Variants in TFCP2L1 observed in about 807,000 individuals in gnomAD.
TFCP2L1 encodes transcription factor CP2-like protein 1.
A neutral mutation model predicts 72.2 loss-of-function variants in TFCP2L1; 12 were observed. The ratio of observed to expected loss-of-function variants is 0.17; its 90% CI spans 0.11 to 0.27. The LOEUF (loss-of-function observed/expected upper bound fraction) is 0.27. Among genes scored for constraint, TFCP2L1 ranks in the 10% least tolerant of loss-of-function variants. The probability of loss-of-function intolerance (pLI) is 1.00; values close to 1 mark genes in which losing one functional copy is unlikely to be tolerated. For missense variants in TFCP2L1, 488 were observed against 624.6 expected (o/e 0.78, Z 2.33); for synonymous variants, 260 against 251.0 (o/e 1.04, Z -0.34).
intron 6 of TFCP2L1, among the ~76,000 whole-genome samples, chr2:121,242,702 G>A (rs1686402664): frequency 6.6e-6 from 1 of 152,182 alleles, no homozygotes; most frequent in African/African-American, 2.4e-5. Flanking sequence ...GTTTCCCATG[G>A]CCACTCGCTT....
At position 121,223,659 on chromosome 2, in the gene TFCP2L1, A is replaced by G. The variant is rs1685968812; in HGVS notation, c.*682T>C. On this transcript the variant is annotated 3_prime_UTR_variant, in exon 15 of 15. Coordinates refer to ENST00000263707, the MANE Select transcript of TFCP2L1 (RefSeq NM_014553.3). ...GTGCACATACATTGTGGCATCTACC[A>G]TGCCAATGCGCCAGTGCAGAGACAG... is the stretch of plus-strand genomic sequence containing the variant. 1 of 153,364 alleles carries G rather than the reference A, an allele frequency of 6.5e-6. No individual in the cohort carries two copies. The highest frequency in any genetic ancestry group is 2.4e-5 in the African/African-American group (1 of 41,472). The allele number at this position is 153,364 out of a possible 1,614,324, so 9.5% of individuals were successfully genotyped here.
intron 2 of TFCP2L1, among the ~76,000 whole-genome samples, chr2:121,280,461 A>C (rs942511035): frequency 3.9e-5 from 6 of 152,166 alleles, no homozygotes; most frequent in Admixed American, 3.9e-4. Flanking sequence ...TGGTCACAAT[A>C]AATAATCACC....
chr2:121,262,413 A>G (rs143040482), intron 2 of TFCP2L1, among the ~76,000 whole-genome samples: 5,463 of 152,218 alleles, frequency 0.036, 151 homozygotes, highest in East Asian at 0.14. Flanking sequence ...GCAGTGAGCC[A>G]AGATTGCACC....
chr2:121,279,721 G>A (rs1303173738), intron 2 of TFCP2L1, among the ~76,000 whole-genome samples: 6 of 152,234 alleles, frequency 3.9e-5, no homozygotes, highest in Admixed American at 1.3e-4. Flanking sequence ...AGCTACACAT[G>A]TAAGACAAAT....
rs374038076 is a variant in TFCP2L1 at position 121,249,056 on chromosome 2, C to T, written c.323G>A (p.Arg108Gln). Reference sequence around the variant, plus strand: ...CTGCTGGTGCTCCGTATACTGCAGCCGGCGGTCATGGAAGACCACACGGAT... The same window carrying T: ...CTGCTGGTGCTCCGTATACTGCAGCTGGCGGTCATGGAAGACCACACGGAT... ...SIIRVVFHDR[R>Q]LQYTEHQQLE... The change falls in exon 4 of 15, where the codon CGG becomes CAG. Residue 108 changes from arginine to glutamine, a missense_variant. Physicochemically the swap from Arg to Gln is conservative, Grantham distance 43. Coordinates refer to ENST00000263707, the MANE Select transcript of TFCP2L1 (RefSeq NM_014553.3). 1.3e-6 allele frequency: 2 copies of T among 1,599,588 alleles called. No homozygotes were observed. Among genetic ancestry groups the T allele is most frequent in the African/African-American group, 1.3e-5 (1 of 74,322 alleles).
At chr2:121,241,927 C>T (rs1424476580) in intron 7 of TFCP2L1, among the ~76,000 whole-genome samples, 2 of 152,084 alleles carry the variant, frequency 1.3e-5, no homozygotes, top group Non-Finnish European at 2.9e-5. Flanking sequence ...CGTGTCTACA[C>T]TGGCTTCACC....
In TFCP2L1 at chr2:121,225,367, C is replaced by T. The variant is rs1158764153; in HGVS notation, c.1393+195G>A. 2.0e-5 allele frequency among the ~76,000 whole-genome samples: 3 copies of T among 152,196 alleles called. No individual in the cohort carries two copies. In the East Asian group the frequency reaches 5.8e-4, roughly 29 times the overall value. ...AACAAGTTGCCTGGCCCAGGATTTCCCTTTCAGAAGTGACCCTGGGGGCCA... is the reference window on the plus strand; with the variant it reads ...AACAAGTTGCCTGGCCCAGGATTTCTCTTTCAGAAGTGACCCTGGGGGCCA... On this transcript the variant is annotated intron_variant, in intron 14 of 14. Transcript: ENST00000263707.
At chr2:121,262,544 G>A (rs1464059870) in intron 2 of TFCP2L1, among the ~76,000 whole-genome samples, 1 of 152,184 alleles carries the variant, frequency 6.6e-6, no homozygotes, top group East Asian at 1.9e-4. Context: ...CAAAAGGACT[G>A]TCACAGATCG....
At chr2:121,250,144 T>C (rs1488218179) in intron 2 of TFCP2L1, among the ~76,000 whole-genome samples, 1 of 152,088 alleles carries the variant, frequency 6.6e-6, no homozygotes, top group African/African-American at 2.4e-5. Flanking sequence ...AAGAATTCCA[T>C]GTATTTGAAA....
chr2:121,246,591 T>C (rs745453464), intron 6 of TFCP2L1, among the ~76,000 whole-genome samples: 1 of 152,234 alleles, frequency 6.6e-6, no homozygotes, highest in Admixed American at 6.5e-5. Flanking sequence ...TGCCAGAAGC[T>C]GAGCGGGTGC....
intron 2 of TFCP2L1, among the ~76,000 whole-genome samples, chr2:121,256,846 C>T (rs1361816168): frequency 1.3e-5 from 2 of 151,994 alleles, no homozygotes; most frequent in African/African-American, 4.8e-5. Context: ...ATCCCAGCTA[C>T]TCAGGAGGCC....
chr2:121,278,299 G>A (rs1360189543), intron 2 of TFCP2L1, among the ~76,000 whole-genome samples: 1 of 149,334 alleles, frequency 6.7e-6, no homozygotes, highest in East Asian at 2.0e-4. Flanking sequence ...GCCTCCCAAA[G>A]TGCTGGGATT....
intron 2 of TFCP2L1, among the ~76,000 whole-genome samples, chr2:121,263,092 C>T (rs138078018): frequency 0.032 from 4,923 of 152,106 alleles, 269 homozygotes; most frequent in African/African-American, 0.11. Context: ...TGCGCCACCA[C>T]GTCCAGCTAA....
In TFCP2L1 at chr2:121,269,918, A is replaced by AAAAAAAAAAAAAAAAAAAAATAT; in HGVS notation, c.214+11201_214+11202insATATTTTTTTTTTTTTTTTTTTT. 5.7e-4 allele frequency among the ~76,000 whole-genome samples: 66 copies of AAAAAAAAAAAAAAAAAAAAATAT among 115,136 alleles called. 1 individual carries two copies. The highest frequency in any genetic ancestry group is 1.9e-3 in the African/African-American group (52 of 26,904). The allele number at this position is 115,136 out of a possible 152,430, so 75.5% of individuals were successfully genotyped here. A position where few individuals can be genotyped will look rare whatever the true frequency, so the allele number is the denominator to read the frequency against. On this transcript the variant is annotated intron_variant, in intron 2 of 14. Coordinates refer to ENST00000263707, the MANE Select transcript of TFCP2L1 (RefSeq NM_014553.3). Reference sequence around the variant, plus strand: ...AGCAAGACTCCATCTAAAAAAAAAAAATATATATATATATATATGCAAAAG... The same window carrying AAAAAAAAAAAAAAAAAAAAATAT: ...AGCAAGACTCCATCTAAAAAAAAAAAAAAAAAAAAAAAAAAAAAAATATATATATATATATATATATGCAAAAG...
At chr2:121,255,906 C>T (rs1686709683) in intron 2 of TFCP2L1, among the ~76,000 whole-genome samples, 1 of 152,100 alleles carries the variant, frequency 6.6e-6, no homozygotes, top group South Asian at 2.1e-4. Flanking sequence ...CCTCGCCCGG[C>T]TAATTTTTTG....
At chr2:121,237,094 C>A (rs1254160563) in intron 10 of TFCP2L1, among the ~76,000 whole-genome samples, 3 of 152,184 alleles carry the variant, frequency 2.0e-5, no homozygotes, top group East Asian at 3.8e-4. Context: ...TACTTGGTGA[C>A]AAGGCTCACT....
At chr2:121,239,475 G>A (rs1686317999) in intron 8 of TFCP2L1, 83 bp downstream of exon 8, 1 of 1,466,814 alleles carries the variant, frequency 6.8e-7, no homozygotes, top group African/African-American at 1.4e-5. Context: ...AGAAAGGAGA[G>A]GAGACCCAGA....
At chr2:121,249,717 G>A in intron 2 of TFCP2L1, 70 bp from the exon 3 acceptor site, 1 of 1,524,380 alleles carries the variant, frequency 6.6e-7, no homozygotes, top group South Asian at 1.1e-5. Context: ...TCAGCTAGCA[G>A]CCTTCTCAAC....
At chr2:121,225,869 G>A (rs1347452459) in intron 13 of TFCP2L1, among the ~76,000 whole-genome samples, 8 of 146,692 alleles carry the variant, frequency 5.5e-5, no homozygotes, top group African/African-American at 2.1e-4. Context: ...CCACACACAA[G>A]GGAACACGGT....
Sources: allele counts gnomAD v4.1 joint callset (sites outside exome capture counted in the v4.1 genomes callset), GRCh38; gene constraint gnomAD v4.1.1; transcripts MANE v1.5; gene names NCBI Gene and HGNC (gene_info 2026-07-23, HGNC 2026-07-21).